The following GRIN2A variants were observed in gnomAD, a reference collection of about 807,000 sequenced individuals.
GRIN2A encodes the protein glutamate receptor ionotropic, NMDA 2A.
Under a neutral mutation model 113.4 loss-of-function variants are expected in GRIN2A, and 22 were observed. The ratio of observed to expected loss-of-function variants is 0.19; its 90% CI spans 0.14 to 0.28. The LOEUF (loss-of-function observed/expected upper bound fraction) is 0.28. GRIN2A is among the 10% of genes least tolerant of loss of function. The pLI is 1.00. For synonymous variants in GRIN2A, 827 were observed against 738.4 expected (o/e 1.12, Z -1.94); for missense variants, 1,502 against 1,887.0 (o/e 0.80, Z 3.78).
chr16:9,883,657 C>T (rs1488356777), intron 4 of GRIN2A, among the ~76,000 whole-genome samples: 1 of 152,074 alleles, frequency 6.6e-6, no homozygotes, highest in African/African-American at 2.4e-5. Context: ...TAAACATATC[C>T]GTGGGAGGAA....
At chr16:9,973,797 C>A (rs1044982235) in intron 2 of GRIN2A, among the ~76,000 whole-genome samples, 1 of 151,834 alleles carries the variant, frequency 6.6e-6, no homozygotes, top group Admixed American at 6.6e-5. Flanking sequence ...GGAAAAAAAA[C>A]AAATTCTATA....
intron 11 of GRIN2A, among the ~76,000 whole-genome samples, chr16:9,784,193 G>A (rs1205407417): frequency 2.0e-5 from 3 of 152,132 alleles, no homozygotes; most frequent in Non-Finnish European, 4.4e-5. Flanking sequence ...ACTTTGGGAA[G>A]CCGAGGTGGG....
intron 2 of GRIN2A, among the ~76,000 whole-genome samples, chr16:10,050,926 A>G (rs1267070632): frequency 6.6e-6 from 1 of 152,220 alleles, no homozygotes; most frequent in Admixed American, 6.5e-5. Flanking sequence ...AATTTATATA[A>G]TAAATATGTG....
At chr16:10,038,155 C>T (rs867645200) in intron 2 of GRIN2A, among the ~76,000 whole-genome samples, 12 of 152,138 alleles carry the variant, frequency 7.9e-5, no homozygotes, top group African/African-American at 1.7e-4. Flanking sequence ...TGTCTGGTGA[C>T]GGTCAGCTTC....
At chr16:10,070,432 G>A (rs567517279) in intron 2 of GRIN2A, among the ~76,000 whole-genome samples, 5 of 152,264 alleles carry the variant, frequency 3.3e-5, no homozygotes, top group African/African-American at 7.2e-5. Flanking sequence ...TTGTGCATGC[G>A]TGTTAAAGTT....
At chr16:9,917,318 C>A (rs1004983980) in intron 3 of GRIN2A, among the ~76,000 whole-genome samples, 1 of 152,220 alleles carries the variant, frequency 6.6e-6, no homozygotes, top group African/African-American at 2.4e-5. Flanking sequence ...GAGATTATAA[C>A]CCCAGGGGTC....
chr16:10,048,591 T>TA (rs2047300052), intron 2 of GRIN2A, among the ~76,000 whole-genome samples: 1 of 152,178 alleles, frequency 6.6e-6, no homozygotes, highest in African/African-American at 2.4e-5. Flanking sequence ...ATTTGCTCAA[T>TA]AATCTCTCCT....
chr16:10,133,414 C>T (rs1411146888), intron 2 of GRIN2A, among the ~76,000 whole-genome samples: 3 of 152,164 alleles, frequency 2.0e-5, no homozygotes, highest in African/African-American at 7.2e-5. Flanking sequence ...TCGAGACCAG[C>T]CTGGCCAACA....
chr16:9,990,563 GCA>G (rs71157799), intron 2 of GRIN2A, among the ~76,000 whole-genome samples: 21,944 of 123,894 alleles, frequency 0.18, 1,983 homozygotes, highest in East Asian at 0.31. Context: ...GCGCGCGCGC[GCA>G]CACACACACA....
chr16:9,832,825 T>G (rs1331985727), intron 8 of GRIN2A, among the ~76,000 whole-genome samples: 1 of 152,174 alleles, frequency 6.6e-6, no homozygotes, highest in South Asian at 2.1e-4. Context: ...ATTTATGGCA[T>G]TGTTTAGTAT....
At chr16:9,886,571 T>C (rs2043590324) in intron 4 of GRIN2A, among the ~76,000 whole-genome samples, 1 of 152,188 alleles carries the variant, frequency 6.6e-6, no homozygotes. Flanking sequence ...GCCGACTCCA[T>C]CTCCATATAC....
chr16:10,087,182 G>A (rs566821452), intron 2 of GRIN2A, among the ~76,000 whole-genome samples: 94 of 152,310 alleles, frequency 6.2e-4, no homozygotes, highest in African/African-American at 2.1e-3. Flanking sequence ...CTGAGCCTCA[G>A]TTTCCACATC....
At chr16:9,783,246 C>A (rs1259816601) in intron 11 of GRIN2A, among the ~76,000 whole-genome samples, 2 of 152,184 alleles carry the variant, frequency 1.3e-5, no homozygotes, top group East Asian at 1.9e-4. Context: ...GCTGCACTTT[C>A]CCCGTGGTTT....
At chr16:9,799,309 C>G (rs914338628) in intron 10 of GRIN2A, among the ~76,000 whole-genome samples, 29 of 152,162 alleles carry the variant, frequency 1.9e-4, no homozygotes, top group African/African-American at 6.5e-4. Context: ...GACATGCACA[C>G]AGGGAGAACG....
In GRIN2A at chr16:9,760,115, T is replaced by G. The variant is rs1047428029; in HGVS notation, c.*3034A>C. 4.4e-6 allele frequency: 1 copy of G among 225,298 alleles called. No homozygotes were observed. 14.0% of individuals were successfully genotyped at this position (225,298 alleles called of 1,614,324 possible). The stretch of plus-strand genomic sequence containing the variant: ...CCAGCTGAAACTCAGGCATTTGTGT[T>G]CAGAAATTTGGGCTCCTTGACATCA... On this transcript the variant is annotated 3_prime_UTR_variant, in exon 13 of 13. Coordinates refer to ENST00000330684, the MANE Select transcript of GRIN2A (RefSeq NM_001134407.3).
chr16:9,988,286 T>C (rs1231412798), intron 2 of GRIN2A, among the ~76,000 whole-genome samples: 2 of 114,398 alleles, frequency 1.7e-5, no homozygotes, highest in East Asian at 2.0e-4. Context: ...TGTGTGTGCG[T>C]GTGTGTGTGT....
At chr16:9,821,554 C>T (rs2042285681) in intron 10 of GRIN2A, among the ~76,000 whole-genome samples, 1 of 152,308 alleles carries the variant, frequency 6.6e-6, no homozygotes, top group Non-Finnish European at 1.5e-5. Context: ...ACAACACTCA[C>T]ATTTAGGTAC....
intron 4 of GRIN2A, among the ~76,000 whole-genome samples, chr16:9,856,977 T>C (rs570009090): frequency 7.7e-4 from 117 of 152,318 alleles, no homozygotes; most frequent in Non-Finnish European, 1.3e-3. Context: ...GATAAATCAT[T>C]CTAATAGTAC....
chr16:9,866,435 A>G (rs533172348), intron 4 of GRIN2A, among the ~76,000 whole-genome samples: 19 of 152,222 alleles, frequency 1.2e-4, no homozygotes, highest in Non-Finnish European at 2.2e-4. Flanking sequence ...AGGAAGAAAC[A>G]CAAATATATA....
Sources: gnomAD v4.1 joint callset for allele counts (sites outside exome capture counted in the v4.1 genomes callset) on GRCh38, gnomAD v4.1.1 for gene constraint, MANE v1.5 for transcripts, NCBI Gene and HGNC (gene_info 2026-07-23, HGNC 2026-07-21) for gene names.